Variants in KANK1 observed in about 807,000 individuals in gnomAD.
KANK1 encodes KN motif and ankyrin repeat domains 1.
KANK1 carries 109 observed loss-of-function variants against 106.2 expected under a neutral mutation model. That is an observed-to-expected ratio of 1.03 (90% CI 0.88 to 1.20). The LOEUF (loss-of-function observed/expected upper bound fraction) is 1.20. KANK1 is among the 50% of genes most tolerant of loss of function. KANK1 has a pLI of 0.00. For synonymous variants in KANK1, 873 were observed against 652.2 expected, an observed-to-expected ratio of 1.34 and a Z score of -5.16; for missense variants, 2,399 against 1,710.7, an observed-to-expected ratio of 1.40 and a Z score of -7.10.
At chr9:622,868 C>T (rs533986075) in intron 1 of KANK1, among the ~76,000 whole-genome samples, 1 of 152,110 alleles carries the variant, frequency 6.6e-6, no homozygotes, top group South Asian at 2.1e-4. Flanking sequence ...TGCCATTGCA[C>T]TCCAGCCTGG....
intron 1 of KANK1, among the ~76,000 whole-genome samples, chr9:625,120 A>T (rs1473863018): frequency 6.6e-6 from 1 of 152,192 alleles, no homozygotes; most frequent in East Asian, 1.9e-4. Context: ...GGGCAAACCC[A>T]CAGCCCGCAG....
intron 1 of KANK1, among the ~76,000 whole-genome samples, chr9:652,717 C>T (rs1023915324): frequency 1.3e-5 from 2 of 152,138 alleles, no homozygotes; most frequent in African/African-American, 4.8e-5. Flanking sequence ...TGTATAGGTA[C>T]ATACATGCTT....
intron 3 of KANK1, 36 bp from the exon 4 acceptor site, chr9:730,015 G>A: frequency 6.3e-7 from 1 of 1,574,990 alleles, no homozygotes; most frequent in Non-Finnish European, 8.7e-7. Flanking sequence ...TTCAGTCCTA[G>A]CATCACACAC....
At chr9:541,403 C>A (rs183201296) in intron 1 of KANK1, among the ~76,000 whole-genome samples, 2 of 152,110 alleles carry the variant, frequency 1.3e-5, no homozygotes, top group African/African-American at 2.4e-5. Flanking sequence ...CTTTCTCACA[C>A]CATATACAAA....
intron 8 of KANK1, 77 bp from the exon 9 acceptor site, chr9:740,715 C>G: frequency 1.4e-6 from 2 of 1,478,606 alleles, no homozygotes; most frequent in Non-Finnish European, 1.8e-6. Flanking sequence ...TAAACACCAT[C>G]CCTTCAGTGG....
intron 1 of KANK1, among the ~76,000 whole-genome samples, chr9:572,536 A>T (rs539786357): frequency 6.6e-6 from 1 of 151,688 alleles, no homozygotes; most frequent in Non-Finnish European, 1.5e-5. Context: ...TGAGTGACAG[A>T]GCGAGACTCC....
At chr9:735,820 C>T (rs1214560455) in intron 7 of KANK1, 2 of 365,198 alleles carry the variant, frequency 5.5e-6, no homozygotes, top group East Asian at 7.6e-5. Flanking sequence ...ATGGTGAAAC[C>T]CTTTCTCTAC....
chr9:522,504 G>A (rs1463912690), intron 1 of KANK1, among the ~76,000 whole-genome samples: 1 of 151,586 alleles, frequency 6.6e-6, no homozygotes, highest in Non-Finnish European at 1.5e-5. Context: ...CTGTCTCAGT[G>A]CTGAGACTTG....
chr9:634,143 A>G (rs10975518), intron 1 of KANK1, among the ~76,000 whole-genome samples: 9,155 of 152,346 alleles, frequency 0.06, 383 homozygotes, highest in Middle Eastern at 0.13. Context: ...AATGAATGCT[A>G]GGCCAGCAAT....
At chr9:603,042 G>A (rs1408645008) in intron 1 of KANK1, among the ~76,000 whole-genome samples, 1 of 151,698 alleles carries the variant, frequency 6.6e-6, no homozygotes, top group African/African-American at 2.4e-5. Flanking sequence ...GCTCATTTGT[G>A]GGCCTTACCA....
intron 11 of KANK1, 180 bp downstream of exon 11, chr9:744,769 G>A: frequency 4.0e-6 from 6 of 1,492,282 alleles, no homozygotes; most frequent in Non-Finnish European, 5.4e-6. Context: ...GAGAACTAAT[G>A]TTTTAGCAGA....
At chr9:655,901 G>A (rs1842038041) in intron 1 of KANK1, among the ~76,000 whole-genome samples, 1 of 152,180 alleles carries the variant, frequency 6.6e-6, no homozygotes, top group Non-Finnish European at 1.5e-5. Flanking sequence ...GACACATGTA[G>A]TAACAGGCCT....
chr9:539,988 G>C (rs1464876619), intron 1 of KANK1, among the ~76,000 whole-genome samples: 1 of 152,140 alleles, frequency 6.6e-6, no homozygotes, highest in East Asian at 1.9e-4. Flanking sequence ...TGCAAACAGA[G>C]ACAGAGTAAC....
intron 3 of KANK1, among the ~76,000 whole-genome samples, chr9:496,128 A>G (rs1208380209): frequency 6.6e-6 from 1 of 152,182 alleles, no homozygotes; most frequent in Non-Finnish European, 1.5e-5. Flanking sequence ...TGTGAGCCCC[A>G]TTCTTCTTGT....
chr9:545,567 C>T (rs750355838), intron 1 of KANK1, among the ~76,000 whole-genome samples: 28 of 151,966 alleles, frequency 1.8e-4, no homozygotes, highest in South Asian at 1.2e-3. Context: ...AGGAAATCTT[C>T]ATGGGTGCTT....
intron 1 of KANK1, among the ~76,000 whole-genome samples, chr9:612,040 C>G (rs1411485155): frequency 6.6e-6 from 1 of 152,218 alleles, no homozygotes; most frequent in Non-Finnish European, 1.5e-5. Context: ...CTTATGTGCC[C>G]TTGCCTGTAC....
At chr9:600,882 A>G (rs1026906440) in intron 1 of KANK1, among the ~76,000 whole-genome samples, 2 of 151,794 alleles carry the variant, frequency 1.3e-5, no homozygotes, top group Non-Finnish European at 2.9e-5. Context: ...TTCTGGGATA[A>G]CTGAAAAGTT....
At chr9:690,316 A>AG (rs1486058209) in intron 2 of KANK1, among the ~76,000 whole-genome samples, 1 of 145,016 alleles carries the variant, frequency 6.9e-6, no homozygotes, top group Non-Finnish European at 1.5e-5. Flanking sequence ...AAAAAAAAGA[A>AG]AAAAAAAAAA....
intron 1 of KANK1, among the ~76,000 whole-genome samples, chr9:561,983 G>T (rs1168511002): frequency 6.6e-6 from 1 of 150,588 alleles, no homozygotes; most frequent in Admixed American, 6.6e-5. Flanking sequence ...TCTTTCAGCA[G>T]ATTAACCATT....
Sources: gnomAD v4.1 joint callset for allele counts (sites outside exome capture counted in the v4.1 genomes callset) on GRCh38, gnomAD v4.1.1 for gene constraint, MANE v1.5 for transcripts, NCBI Gene and HGNC (gene_info 2026-07-23, HGNC 2026-07-21) for gene names.